PDE4B: variants seen among roughly 807,000 people sequenced by gnomAD.
PDE4B encodes the protein phosphodiesterase 4B.
In PDE4B, 20 loss-of-function variants were observed where a neutral mutation model predicts 82.2. That is an observed-to-expected ratio of 0.24 (90% CI 0.17 to 0.35). The LOEUF is 0.35. Among genes scored for constraint, PDE4B ranks in the 10% least tolerant of loss-of-function variants. PDE4B has a pLI of 1.00. For synonymous variants in PDE4B, 320 were observed against 318.9 expected (o/e 1.00, Z -0.04); for missense variants, 655 against 907.2 (o/e 0.72, Z 3.57).
At chr1:65,809,672 T>G (rs1249980196) in intron 1 of PDE4B, among the ~76,000 whole-genome samples, 1 of 152,200 alleles carries the variant, frequency 6.6e-6, no homozygotes, top group African/African-American at 2.4e-5. Flanking sequence ...TTGGATAGTT[T>G]ATGGTTATTT....
At chr1:66,077,263 A>G (rs1656481118) in intron 3 of PDE4B, among the ~76,000 whole-genome samples, 1 of 152,170 alleles carries the variant, frequency 6.6e-6, no homozygotes, top group Non-Finnish European at 1.5e-5. Context: ...ACCACCACTC[A>G]GATGATTACA....
chr1:66,133,427 T>C (rs1157216158), intron 3 of PDE4B, among the ~76,000 whole-genome samples: 1 of 152,226 alleles, frequency 6.6e-6, no homozygotes, highest in Non-Finnish European at 1.5e-5. Flanking sequence ...CTTTCACTAA[T>C]GTATCCTAAT....
At chr1:66,151,699 G>A (rs1406267819) in intron 3 of PDE4B, among the ~76,000 whole-genome samples, 1 of 152,100 alleles carries the variant, frequency 6.6e-6, no homozygotes, top group Non-Finnish European at 1.5e-5. Context: ...TAACAATCTG[G>A]GTACTTTTTG....
chr1:66,039,047 C>T (rs17128285), intron 3 of PDE4B, among the ~76,000 whole-genome samples: 1 of 152,002 alleles, frequency 6.6e-6, no homozygotes, highest in Non-Finnish European at 1.5e-5. Context: ...CCTCTTAGTG[C>T]ACACTCTATG....
chr1:66,124,529 T>C (rs1458625226), intron 3 of PDE4B, among the ~76,000 whole-genome samples: 4 of 152,204 alleles, frequency 2.6e-5, no homozygotes, highest in African/African-American at 9.6e-5. Flanking sequence ...GTTGATTTGA[T>C]GGGGAAACTG....
At chr1:66,019,897 A>G (rs1471741178) in intron 3 of PDE4B, among the ~76,000 whole-genome samples, 1 of 152,184 alleles carries the variant, frequency 6.6e-6, no homozygotes, top group Non-Finnish European at 1.5e-5. Flanking sequence ...CTAAATGTAC[A>G]TCTCTTGTTC....
Position 65,948,017 on chromosome 1 carries a change from A to G in PDE4B, c.281+29182A>G, listed in dbSNP as rs997156278. Among the ~76,000 whole-genome samples, 2 of 148,452 alleles carry G rather than the reference A, an allele frequency of 1.3e-5. 1 individual carries two copies. The highest frequency in any genetic ancestry group is 4.2e-4 in the South Asian group (2 of 4,772). ...TGCATACATATACATAAATATATAT[A>G]ATCATATATATTTATAAATTCATTA... On this transcript the variant is annotated intron_variant, in intron 3 of 16. Coordinates refer to ENST00000341517, the MANE Select transcript of PDE4B (RefSeq NM_002600.4).
rs562505528 is a variant in PDE4B, at chr1:66,081,898, C to T, written c.281+163063C>T. Reference sequence around the variant, plus strand: ...TGAATACTCTGGATTTGCAAAAACACCACTTTGCCCATTAAAATAGCATGT... The same window carrying T: ...TGAATACTCTGGATTTGCAAAAACATCACTTTGCCCATTAAAATAGCATGT... On this transcript the variant is annotated intron_variant, in intron 3 of 16. Transcript: ENST00000341517. Among the ~76,000 whole-genome samples the T allele has an allele frequency of 2.5e-4, 37 of 150,510 alleles. No individual in the cohort carries two copies. The Middle Eastern group carries it at 0.014, about 55-fold the overall frequency.
intron 1 of PDE4B, among the ~76,000 whole-genome samples, chr1:65,832,466 T>C (rs1646094012): frequency 6.6e-6 from 1 of 152,194 alleles, no homozygotes; most frequent in African/African-American, 2.4e-5. Context: ...ATGACTCTAA[T>C]TTCTATGTGT....
chr1:66,138,137 G>C (rs1247523924), intron 3 of PDE4B, among the ~76,000 whole-genome samples: 2 of 152,150 alleles, frequency 1.3e-5, no homozygotes, highest in Admixed American at 1.3e-4. Context: ...CTACTCTCAA[G>C]GAACTTACCT....
rs1656045946 is a variant in PDE4B, at chr1:66,069,582, A to G, written c.281+150747A>G. Among the ~76,000 whole-genome samples, 3 of 152,084 alleles carry G rather than the reference A, an allele frequency of 2.0e-5. No individual in the cohort carries two copies. The South Asian group carries it at 6.2e-4, about 32-fold the overall frequency. On this transcript the variant is annotated intron_variant, in intron 3 of 16. Transcript: ENST00000341517. Reference sequence around the variant, plus strand: ...CTGTCTTTCCCAGTAGAGGTCACACATTTATTGAGCACATACTATATTTGG... The same window carrying G: ...CTGTCTTTCCCAGTAGAGGTCACACGTTTATTGAGCACATACTATATTTGG...
chr1:66,148,713 A>G (rs1436805623), intron 3 of PDE4B, among the ~76,000 whole-genome samples: 6 of 152,160 alleles, frequency 3.9e-5, no homozygotes, highest in Non-Finnish European at 5.9e-5. Context: ...TTCTGTCTCT[A>G]CAGATTTGCC....
intron 3 of PDE4B, among the ~76,000 whole-genome samples, chr1:66,131,638 T>TATATATATATATA (rs1553149837): frequency 4.6e-3 from 553 of 120,176 alleles, no homozygotes; most frequent in South Asian, 6.5e-3. Flanking sequence ...TATATATATA[T>TATATATATATATA]TACTAACCAG....
chr1:65,960,969 G>C (rs1176871293), intron 3 of PDE4B, among the ~76,000 whole-genome samples: 1 of 151,944 alleles, frequency 6.6e-6, no homozygotes, highest in Non-Finnish European at 1.5e-5. Flanking sequence ...TGGACTCCTG[G>C]TAAGTCCAAA....
At chr1:65,878,548 G>A (rs554947245) in intron 1 of PDE4B, among the ~76,000 whole-genome samples, 1 of 152,296 alleles carries the variant, frequency 6.6e-6, no homozygotes, top group East Asian at 1.9e-4. Flanking sequence ...ATACTATGCA[G>A]CCATAAAAAA....
intron 1 of PDE4B, among the ~76,000 whole-genome samples, chr1:65,835,524 G>C (rs1646130515): frequency 6.6e-6 from 1 of 152,170 alleles, no homozygotes; most frequent in South Asian, 2.1e-4. Flanking sequence ...AGAGAAGGCT[G>C]AGCAAGTGAA....
chr1:66,245,314 G>A (rs1653217280), intron 3 of PDE4B, among the ~76,000 whole-genome samples: 1 of 152,106 alleles, frequency 6.6e-6, no homozygotes, highest in Non-Finnish European at 1.5e-5. Context: ...CATACCAGAT[G>A]AATAACAACA....
chr1:66,140,553 G>A (rs1025481104), intron 3 of PDE4B, among the ~76,000 whole-genome samples: 5 of 152,184 alleles, frequency 3.3e-5, no homozygotes, highest in African/African-American at 1.2e-4. Context: ...AAATGGCATT[G>A]TTTTATAATG....
At chr1:66,142,943 AG>A (rs1481703873) in intron 3 of PDE4B, among the ~76,000 whole-genome samples, 1 of 152,224 alleles carries the variant, frequency 6.6e-6, no homozygotes, top group African/African-American at 2.4e-5. Flanking sequence ...TGGGTAATAT[AG>A]AGTAAGCTAA....
Sources: allele counts gnomAD v4.1 joint callset (sites outside exome capture counted in the v4.1 genomes callset), GRCh38; gene constraint gnomAD v4.1.1; transcripts MANE v1.5; gene names NCBI Gene and HGNC (gene_info 2026-07-23, HGNC 2026-07-21).